The following DTYMK variants were observed in gnomAD, a reference collection of about 807,000 sequenced individuals.
DTYMK encodes the protein deoxythymidylate kinase, also known as thymidylate kinase.
A neutral mutation model predicts 20.3 loss-of-function variants in DTYMK; 20 were observed. The observed-to-expected ratio is 0.99, with a 90% CI of 0.69 to 1.43. The LOEUF (loss-of-function observed/expected upper bound fraction) is 1.43. DTYMK is among the 40% of genes most tolerant of loss of function. The probability of loss-of-function intolerance (pLI) is 0.00; values close to 1 mark genes in which losing one functional copy is unlikely to be tolerated. For missense variants in DTYMK, 320 were observed against 291.1 expected, an observed-to-expected ratio of 1.10 and a Z score of -0.72; for synonymous variants, 148 against 124.4, an observed-to-expected ratio of 1.19 and a Z score of -1.27.
In DTYMK at chr2:241,675,961, AGT is replaced by A. The variant is rs1407418894; in HGVS notation, c.*164_*165del. The A allele has an allele frequency of 1.4e-5, 9 of 637,790 alleles. No individual in the cohort carries two copies. The highest frequency in any genetic ancestry group is 2.3e-5 in the Non-Finnish European group (9 of 389,082). The allele number at this position is 637,790 out of a possible 1,614,324, so 39.5% of individuals were successfully genotyped here. A position where few individuals can be genotyped will look rare whatever the true frequency, so the allele number is the denominator to read the frequency against. On this transcript the variant is annotated 3_prime_UTR_variant, in exon 5 of 5. Transcript: ENST00000305784. ...CAAGGTCCCCACCACGGGGGTCCCC[AGT>A]GCACCCCAGCTCCGGGGCAGAAGAG...
chr2:241,677,343 C>T (rs569867442), intron 4 of DTYMK, among the ~76,000 whole-genome samples: 3 of 152,348 alleles, frequency 2.0e-5, no homozygotes, highest in East Asian at 1.9e-4. Context: ...TGAGCCTCTC[C>T]GGGCGGAATG....
intron 4 of DTYMK, among the ~76,000 whole-genome samples, chr2:241,676,895 A>G (rs1402874424): frequency 6.6e-6 from 1 of 152,208 alleles, no homozygotes; most frequent in Non-Finnish European, 1.5e-5. Context: ...GAAGGTGAGG[A>G]AGTTCCGCAG....
intron 4 of DTYMK, among the ~76,000 whole-genome samples, chr2:241,677,008 T>C (rs1029357062): frequency 6.6e-6 from 1 of 152,196 alleles, no homozygotes; most frequent in Non-Finnish European, 1.5e-5. Context: ...GCGTGAACGG[T>C]GCGAGGAGCG....
At chr2:241,683,305 T>C (rs1482788972) in intron 2 of DTYMK, among the ~76,000 whole-genome samples, 1 of 152,252 alleles carries the variant, frequency 6.6e-6, no homozygotes, top group Non-Finnish European at 1.5e-5. Context: ...CCTTGTTCAC[T>C]GCTGGTGAGA....
At chr2:241,684,829 A>T (rs1026451062) in intron 2 of DTYMK, 1 of 434,176 alleles carries the variant, frequency 2.3e-6, no homozygotes, top group African/African-American at 2.1e-5. Context: ...TTGGTTATCA[A>T]TTTTAACAAA....
intron 2 of DTYMK, among the ~76,000 whole-genome samples, chr2:241,684,514 G>T (rs756048591): frequency 6.6e-6 from 1 of 152,202 alleles, no homozygotes; most frequent in Non-Finnish European, 1.5e-5. Context: ...TGGTTCTAGA[G>T]ACAATGCGAC....
chr2:241,683,098 G>C (rs1029738081), intron 2 of DTYMK, among the ~76,000 whole-genome samples: 5 of 152,080 alleles, frequency 3.3e-5, no homozygotes. Flanking sequence ...AAAAAAGAGT[G>C]GGCCAAAGCA....
At chr2:241,680,622 G>A (rs1034652499) in intron 2 of DTYMK, among the ~76,000 whole-genome samples, 6 of 151,412 alleles carry the variant, frequency 4.0e-5, no homozygotes, top group East Asian at 1.9e-4. Context: ...GCAGTGAGCC[G>A]AGATCACACC....
chr2:241,686,634 C>A lies in DTYMK; in HGVS notation c.130+20G>T. ...AGAGGCACCGAAGGCCGCGGCGCACCCCCCGCCGCGCGCACCCACCCGGGA... is the reference window on the plus strand; with the variant it reads ...AGAGGCACCGAAGGCCGCGGCGCACACCCCGCCGCGCGCACCCACCCGGGA... On this transcript the variant is annotated intron_variant, in intron 1 of 4. Transcript: ENST00000305784. 2 of 1,492,056 alleles carry A rather than the reference C, an allele frequency of 1.3e-6. No homozygotes were observed. The highest frequency in any genetic ancestry group is 1.3e-5 in the South Asian group (1 of 77,912). The allele number at this position is 1,492,056 out of a possible 1,614,324, so 92.4% of individuals were successfully genotyped here.
rs952397128 is a variant in DTYMK at position 241,685,843 on chromosome 2, G to C, written c.165C>G (p.Ser55=). 5.0e-6 allele frequency: 8 copies of C among 1,614,054 alleles called. No individual in the cohort carries two copies. The Admixed American group carries it at 1.2e-4, about 24-fold the overall frequency. ...RSTEIGKLLS[S]YLQKKSDVED... is the part of the protein sequence containing the mutation. ...CCACGTCACTTTTCTTTTGCAAGTAGGAACTCAGAAGTTTGCCGATTTCAG... is the reference window on the plus strand; with the variant it reads ...CCACGTCACTTTTCTTTTGCAAGTACGAACTCAGAAGTTTGCCGATTTCAG... The change falls in exon 2 of 5, where the codon TCC becomes TCG. Residue 55 remains serine (S), a synonymous_variant. Coordinates refer to ENST00000305784, the MANE Select transcript of DTYMK (RefSeq NM_012145.4).
Position 241,683,208 on chromosome 2 carries a change from A to G in DTYMK, c.239+2561T>C, listed in dbSNP as rs2069306345. ...CAGCAGGGAAATGCAAACTAGAACA[A>G]TGAGATGCCACACACACCTATCAGA... On this transcript the variant is annotated intron_variant, in intron 2 of 4. Coordinates refer to ENST00000305784, the MANE Select transcript of DTYMK (RefSeq NM_012145.4). Among the ~76,000 whole-genome samples the G allele has an allele frequency of 1.3e-5, 2 of 152,218 alleles. 1 individual carries two copies. Among genetic ancestry groups the G allele is most frequent in the South Asian group, 4.1e-4 (2 of 4,836 alleles).
At position 241,678,552 on chromosome 2, in the gene DTYMK, C is replaced by T. The variant is rs765370832; in HGVS notation, c.428G>A (p.Arg143Gln). ...ATAGCGCTCATGGCCAAACGCTCCC[C>T]GCTTGGCAGCATCCGCCAGCTGTAA... is the stretch of plus-strand genomic sequence containing the variant. ...LQLQLADAAK[R>Q]GAFGHERYEN... Residue 143 changes from arginine to glutamine, a missense_variant, in exon 4 of 5, where the codon CGG (arginine) becomes CAG (glutamine). Arg to Gln is a conservative substitution (Grantham distance 43). Coordinates refer to ENST00000305784, the MANE Select transcript of DTYMK (RefSeq NM_012145.4). 1.2e-5 allele frequency: 19 copies of T among 1,614,176 alleles called. No individual in the cohort carries two copies. Among genetic ancestry groups the T allele is most frequent in the Non-Finnish European group, 1.4e-5 (16 of 1,180,046 alleles).
At chr2:241,684,519 T>C (rs964336270) in intron 2 of DTYMK, among the ~76,000 whole-genome samples, 11 of 152,222 alleles carry the variant, frequency 7.2e-5, no homozygotes, top group Middle Eastern at 3.4e-3. Flanking sequence ...CTAGAGACAA[T>C]GCGACGACAA....
chr2:241,679,636 A>T lies in DTYMK; in HGVS notation c.330+593T>A, dbSNP rs544129676. ...CAGAGGGAGACGCCCTCTTTCAAAA[A>T]ACGGGGGAAAAAAGTACTACAAATG... On this transcript the variant is annotated intron_variant, in intron 3 of 4. Transcript: ENST00000305784. Among the ~76,000 whole-genome samples, 34 of 152,110 alleles carry T rather than the reference A, an allele frequency of 2.2e-4. 1 individual carries two copies. The highest frequency in any genetic ancestry group is 8.2e-4 in the African/African-American group (34 of 41,494).
intron 2 of DTYMK, 86 bp downstream of exon 2, chr2:241,685,683 C>A: frequency 1.5e-6 from 2 of 1,377,676 alleles, no homozygotes; most frequent in South Asian, 2.4e-5. Flanking sequence ...CTGTCACTGT[C>A]ATTCAGAATC....
intron 2 of DTYMK, chr2:241,682,153 A>G: frequency 2.3e-6 from 1 of 427,322 alleles, no homozygotes; most frequent in South Asian, 1.7e-5. Context: ...AGCCTGGGCA[A>G]CAATAGTGAG....
chr2:241,680,853 A>G (rs1379791319), intron 2 of DTYMK, among the ~76,000 whole-genome samples: 1 of 152,212 alleles, frequency 6.6e-6, no homozygotes, highest in Non-Finnish European at 1.5e-5. Context: ...ACTAAATAGT[A>G]ACAAACACAA....
At chr2:241,682,813 A>C (rs1190587303) in intron 2 of DTYMK, 1 of 178,482 alleles carries the variant, frequency 5.6e-6, no homozygotes, top group East Asian at 1.9e-4. Flanking sequence ...GATCACAGCT[A>C]CTTGAGAGGC....
At chr2:241,682,441 G>C (rs1282575808) in intron 2 of DTYMK, 3 of 291,942 alleles carry the variant, frequency 1.0e-5, no homozygotes, top group Non-Finnish European at 2.0e-5. Flanking sequence ...GTTATCTAAA[G>C]CATACAAAGA....
Sources: allele counts gnomAD v4.1 joint callset (sites outside exome capture counted in the v4.1 genomes callset), GRCh38; gene constraint gnomAD v4.1.1; transcripts MANE v1.5; gene names NCBI Gene and HGNC (gene_info 2026-07-23, HGNC 2026-07-21).